Variants in TAOK1 observed in about 807,000 individuals in gnomAD.
TAOK1 encodes the protein TAO kinase 1.
TAOK1 carries 21 observed loss-of-function variants against 138.3 expected under a neutral mutation model. The observed-to-expected ratio is 0.15, with a 90% CI of 0.11 to 0.22. TAOK1 has a LOEUF of 0.22. TAOK1 is among the 10% of genes least tolerant of loss of function. The probability of loss-of-function intolerance (pLI) is 1.00; values close to 1 mark genes in which losing one functional copy is unlikely to be tolerated. For synonymous variants in TAOK1, 361 were observed against 398.4 expected (o/e 0.91, Z 1.12); for missense variants, 651 against 1,227.7 (o/e 0.53, Z 7.02).
At chr17:29,397,607 C>CCCAAAA (rs60665025) in intron 1 of TAOK1, among the ~76,000 whole-genome samples, 1,235 of 94,588 alleles carry the variant, frequency 0.013, 67 homozygotes, top group African/African-American at 0.05. Context: ...CGTCCCCCCC[C>CCCAAAA]AAAAAAATAT....
At chr17:29,415,093 C>T (rs1234101565) in intron 1 of TAOK1, among the ~76,000 whole-genome samples, 5 of 151,972 alleles carry the variant, frequency 3.3e-5, no homozygotes, top group Admixed American at 1.3e-4. Flanking sequence ...CCTCAGCCTC[C>T]CAAATAGCTG....
chr17:29,523,435 TG>T, intron 17 of TAOK1, among the ~76,000 whole-genome samples: 1 of 152,212 alleles, frequency 6.6e-6, no homozygotes, highest in Non-Finnish European at 1.5e-5. Context: ...TCGCCCAGGC[TG>T]GAGTGCAGCG....
intron 1 of TAOK1, among the ~76,000 whole-genome samples, chr17:29,447,501 T>C (rs949785185): frequency 6.6e-6 from 1 of 151,848 alleles, no homozygotes; most frequent in Non-Finnish European, 1.5e-5. Context: ...TGGCTAATTT[T>C]TGTATTTTTA....
chr17:29,397,615 T>TAC (rs1904659835), intron 1 of TAOK1, among the ~76,000 whole-genome samples: 1 of 54,938 alleles, frequency 1.8e-5, no homozygotes, highest in African/African-American at 8.3e-5. Flanking sequence ...CCCAAAAAAA[T>TAC]ATATATATAT....
At chr17:29,395,118 G>A (rs1303242535) in intron 1 of TAOK1, among the ~76,000 whole-genome samples, 2 of 150,724 alleles carry the variant, frequency 1.3e-5, no homozygotes, top group Admixed American at 6.6e-5. Flanking sequence ...GTGATGGTGC[G>A]TGCTTGTTCT....
rs1053204926 is a variant in TAOK1, at chr17:29,517,623, G to T, written c.1875G>T (p.Gly625=). The T allele has an allele frequency of 1.9e-6, 3 of 1,612,678 alleles. No individual in the cohort carries two copies. Among genetic ancestry groups the T allele is most frequent in the Admixed American group, 1.7e-5 (1 of 60,000 alleles). ...CRRFKRRMLL[G]RHNLEQDLVR... ...GCTTCAAGAGAAGAATGTTACTTGGGCGTCATAACTTAGAGCAGGACCTTG... is the reference window on the plus strand; with the variant it reads ...GCTTCAAGAGAAGAATGTTACTTGGTCGTCATAACTTAGAGCAGGACCTTG... Residue 625 remains glycine, a synonymous_variant, in exon 16 of 20, where the codon GGG becomes GGT. Coordinates refer to ENST00000261716, the MANE Select transcript of TAOK1 (RefSeq NM_020791.4).
At chr17:29,437,295 A>G (rs918395699) in intron 1 of TAOK1, among the ~76,000 whole-genome samples, 1 of 151,816 alleles carries the variant, frequency 6.6e-6, no homozygotes, top group African/African-American at 2.4e-5. Context: ...AGCTCCTGGC[A>G]TTGTGATCCG....
chr17:29,478,180 C>G (rs2030986571), intron 5 of TAOK1, 71 bp from the exon 6 acceptor site: 23 of 1,074,688 alleles, frequency 2.1e-5, no homozygotes, highest in Non-Finnish European at 2.9e-5. Context: ...TAAAAATTGC[C>G]CCATGTATTA....
intron 1 of TAOK1, among the ~76,000 whole-genome samples, chr17:29,413,881 CTT>C (rs34539579): frequency 4.9e-5 from 5 of 101,244 alleles, no homozygotes; most frequent in Non-Finnish European, 9.3e-5. Flanking sequence ...TTTCTGGCTT[CTT>C]TTTTTTTTTT....
rs982660470 is a variant in TAOK1 at position 29,542,610 on chromosome 17, G to A, written c.2594G>A (p.Arg865Gln). Reference protein sequence around the residue: ...ALQNERTERIRSLLERQAREI... With the variant: ...ALQNERTERIQSLLERQAREI... ...CAGAATGAGCGCACAGAACGAATAC[G>A]AAGCCTGTTGGAACGTCAAGCCAGA... Residue 865 changes from arginine to glutamine, a missense_variant, in exon 20 of 20, where the codon CGA (arginine) becomes CAA (glutamine). This residue lies in a region of TAOK1 where 258 missense variants were observed against 548.9 expected (regional missense o/e 0.47). Coordinates refer to ENST00000261716, the MANE Select transcript of TAOK1 (RefSeq NM_020791.4). 5.0e-6 allele frequency: 8 copies of A among 1,613,992 alleles called. No individual in the cohort carries two copies. Among genetic ancestry groups the A allele is most frequent in the Non-Finnish European group, 5.9e-6 (7 of 1,179,980 alleles).
chr17:29,411,319 C>T (rs1905138292), intron 1 of TAOK1, among the ~76,000 whole-genome samples: 1 of 151,446 alleles, frequency 6.6e-6, no homozygotes, highest in Admixed American at 6.6e-5. Flanking sequence ...TCTCGATCTC[C>T]TGACTTCGTG....
At chr17:29,409,501 T>G (rs982603837) in intron 1 of TAOK1, among the ~76,000 whole-genome samples, 12 of 151,478 alleles carry the variant, frequency 7.9e-5, no homozygotes, top group South Asian at 2.1e-4. Context: ...ATCTGGCTAA[T>G]TTTTTGTATT....
chr17:29,440,136 T>A (rs1389999410), intron 1 of TAOK1, among the ~76,000 whole-genome samples: 1 of 152,192 alleles, frequency 6.6e-6, no homozygotes, highest in Non-Finnish European at 1.5e-5. Context: ...TTTACCTTTC[T>A]GACACTTGAG....
At chr17:29,422,514 G>A (rs1905485227) in intron 1 of TAOK1, among the ~76,000 whole-genome samples, 1 of 152,032 alleles carries the variant, frequency 6.6e-6, no homozygotes, top group Non-Finnish European at 1.5e-5. Flanking sequence ...CACTGCTCCC[G>A]GCCCCTCTAT....
intron 2 of TAOK1, among the ~76,000 whole-genome samples, chr17:29,465,994 T>A (rs1242067319): frequency 6.6e-6 from 1 of 152,168 alleles, no homozygotes; most frequent in Non-Finnish European, 1.5e-5. Flanking sequence ...TTTGTTTTTC[T>A]AAGAGTTTGG....
At chr17:29,470,898 G>A (rs1286716381) in intron 3 of TAOK1, among the ~76,000 whole-genome samples, 7 of 152,152 alleles carry the variant, frequency 4.6e-5, no homozygotes, top group Non-Finnish European at 8.8e-5. Flanking sequence ...CGAGGCAGGC[G>A]GATCACTTGA....
intron 7 of TAOK1, 115 bp downstream of exon 7, chr17:29,480,596 C>A: frequency 1.2e-6 from 1 of 812,002 alleles, no homozygotes; most frequent in Non-Finnish European, 1.9e-6. Context: ...CGGCCAGGTG[C>A]AATGGCTCAC....
intron 3 of TAOK1, among the ~76,000 whole-genome samples, chr17:29,472,343 C>T (rs1476603314): frequency 6.6e-6 from 1 of 150,560 alleles, no homozygotes; most frequent in Non-Finnish European, 1.5e-5. Flanking sequence ...ACCTCTGCCT[C>T]CCGGGTTCAA....
chr17:29,532,230 C>G (rs924042393), intron 18 of TAOK1, among the ~76,000 whole-genome samples: 1 of 152,052 alleles, frequency 6.6e-6, no homozygotes, highest in African/African-American at 2.4e-5. Flanking sequence ...ACAAAACAGG[C>G]GCCTGCTCAT....
Sources: gnomAD v4.1 joint callset for allele counts (sites outside exome capture counted in the v4.1 genomes callset) on GRCh38, gnomAD v4.1.1 for gene constraint, gnomAD v4.1.1 regional missense constraint, MANE v1.5 for transcripts, NCBI Gene and HGNC (gene_info 2026-07-23, HGNC 2026-07-21) for gene names.